The following ATP6V1H variants were observed in gnomAD, a reference collection of about 807,000 sequenced individuals.
ATP6V1H encodes the protein ATPase H+ transporting V1 subunit H.
A neutral mutation model predicts 71.7 loss-of-function variants in ATP6V1H; 39 were observed. That is an observed-to-expected ratio of 0.54 (90% CI 0.42 to 0.71). ATP6V1H has a LOEUF of 0.71. Ranked by LOEUF, ATP6V1H falls within the 30% of genes least tolerant of loss-of-function variation. ATP6V1H has a pLI of 0.00. For synonymous variants in ATP6V1H, 192 were observed against 199.3 expected, an observed-to-expected ratio of 0.96 and a Z score of 0.31; for missense variants, 509 against 594.9, an observed-to-expected ratio of 0.86 and a Z score of 1.50.
intron 4 of ATP6V1H, among the ~76,000 whole-genome samples, chr8:53,821,334 C>T (rs568685852): frequency 6.8e-6 from 1 of 147,362 alleles, no homozygotes; most frequent in Non-Finnish European, 1.5e-5. Flanking sequence ...GATCATGCCA[C>T]TACACTCCAG....
At chr8:53,750,005 C>T (rs766278767) in intron 12 of ATP6V1H, among the ~76,000 whole-genome samples, 9 of 152,130 alleles carry the variant, frequency 5.9e-5, no homozygotes, top group Non-Finnish European at 1.3e-4. Flanking sequence ...TATTCCTGAA[C>T]ATCATGTATT....
intron 5 of ATP6V1H, 30 bp from the exon 6 acceptor site, chr8:53,814,796 C>T: frequency 6.8e-7 from 1 of 1,464,622 alleles, no homozygotes; most frequent in Non-Finnish European, 9.5e-7. Flanking sequence ...ACATTTAACG[C>T]AACATTAATT....
intron 13 of ATP6V1H, among the ~76,000 whole-genome samples, chr8:53,736,659 A>T (rs750305794): frequency 2.0e-5 from 3 of 148,092 alleles, no homozygotes; most frequent in African/African-American, 5.2e-5. Flanking sequence ...TCATCAGAAA[A>T]CCTCGGCACA....
At chr8:53,808,660 C>T (rs1482249246) in intron 7 of ATP6V1H, among the ~76,000 whole-genome samples, 1 of 151,938 alleles carries the variant, frequency 6.6e-6, no homozygotes, top group Non-Finnish European at 1.5e-5. Flanking sequence ...GTCCCAGCTA[C>T]TGGTGGGATG....
At chr8:53,776,583 A>T (rs1808899974) in intron 9 of ATP6V1H, among the ~76,000 whole-genome samples, 1 of 152,234 alleles carries the variant, frequency 6.6e-6, no homozygotes, top group South Asian at 2.1e-4. Flanking sequence ...CTGCCTGCTA[A>T]ACAACCTCAA....
At chr8:53,721,047 C>T (rs1446899390) in intron 13 of ATP6V1H, among the ~76,000 whole-genome samples, 11 of 152,160 alleles carry the variant, frequency 7.2e-5, no homozygotes, top group Non-Finnish European at 4.4e-5. Context: ...CATTAACAAA[C>T]TATTCTTTTC....
chr8:53,763,429 GAAATT>G (rs1808345692), intron 11 of ATP6V1H, among the ~76,000 whole-genome samples: 1 of 152,166 alleles, frequency 6.6e-6, no homozygotes, highest in South Asian at 2.1e-4. Context: ...ACTGTTGAAA[GAAATT>G]AAATACGATG....
intron 2 of ATP6V1H, among the ~76,000 whole-genome samples, chr8:53,841,142 T>C (rs1340434809): frequency 6.6e-6 from 1 of 152,184 alleles, no homozygotes; most frequent in Non-Finnish European, 1.5e-5. Flanking sequence ...GAACCAAAAC[T>C]CAAATCCAAG....
At chr8:53,777,858 G>C (rs891020816) in intron 9 of ATP6V1H, among the ~76,000 whole-genome samples, 8 of 152,172 alleles carry the variant, frequency 5.3e-5, no homozygotes, top group Non-Finnish European at 8.8e-5. Flanking sequence ...AAAGGAAAGT[G>C]ATACCACAAG....
At chr8:53,816,257 T>C (rs1374472092) in intron 5 of ATP6V1H, among the ~76,000 whole-genome samples, 1 of 152,168 alleles carries the variant, frequency 6.6e-6, no homozygotes, top group Non-Finnish European at 1.5e-5. Context: ...CAAGATAACA[T>C]ACATGTTCAA....
intron 13 of ATP6V1H, among the ~76,000 whole-genome samples, chr8:53,741,027 A>AAATTTTAAACATTAAATTTT (rs1283549165): frequency 6.6e-6 from 1 of 152,214 alleles, no homozygotes; most frequent in East Asian, 1.9e-4. Flanking sequence ...AATCGTAGTT[A>AAATTTTAAACATTAAATTTT]AAACATTAAA....
intron 7 of ATP6V1H, among the ~76,000 whole-genome samples, chr8:53,806,026 C>T (rs1167856133): frequency 6.6e-6 from 1 of 151,940 alleles, no homozygotes. Context: ...ACATTTATCT[C>T]GCTGAACATT....
chr8:53,729,351 C>A (rs1008029819), intron 13 of ATP6V1H, among the ~76,000 whole-genome samples: 8 of 152,116 alleles, frequency 5.3e-5, no homozygotes, highest in African/African-American at 1.7e-4. Context: ...AACAGAACAC[C>A]CACACCCAAG....
chr8:53,803,940 A>C (rs938094740), intron 7 of ATP6V1H, among the ~76,000 whole-genome samples: 1 of 152,216 alleles, frequency 6.6e-6, no homozygotes, highest in Non-Finnish European at 1.5e-5. Flanking sequence ...GTTTCCTCTC[A>C]TCACAAAAAT....
intron 4 of ATP6V1H, among the ~76,000 whole-genome samples, chr8:53,825,586 A>C (rs1325866327): frequency 6.6e-6 from 1 of 152,202 alleles, no homozygotes. Context: ...AAAGTATAAA[A>C]GGTACAGAAA....
chr8:53,840,763 A>C lies in ATP6V1H; in HGVS notation c.113+815T>G, dbSNP rs1811319994. 2.6e-5 allele frequency among the ~76,000 whole-genome samples: 4 copies of C among 152,210 alleles called. No homozygotes were observed. The South Asian group carries it at 8.3e-4, about 31-fold the overall frequency. On this transcript the variant is annotated intron_variant, in intron 2 of 13. Coordinates refer to ENST00000359530, the MANE Select transcript of ATP6V1H (RefSeq NM_015941.4). ...CTAATATAAAATTAACACTAATATA[A>C]AACTAGATTCCTCAATTTGTTTTTC...
At chr8:53,838,882 C>A (rs1811257867) in intron 2 of ATP6V1H, among the ~76,000 whole-genome samples, 2 of 152,208 alleles carry the variant, frequency 1.3e-5, no homozygotes, top group South Asian at 4.1e-4. Context: ...AGAAGATTCA[C>A]TGATTCTTCA....
rs145442180 is a variant in ATP6V1H, at chr8:53,778,037, C to T, written c.871-5870G>A. Among the ~76,000 whole-genome samples, 339 of 152,154 alleles carry T rather than the reference C, an allele frequency of 2.2e-3. 2 individuals carry two copies. Among genetic ancestry groups the T allele is most frequent in the African/African-American group, 7.9e-3 (328 of 41,506 alleles). ...GGCTTATAACATGTAAATACAGTAACATGACAACTGTAGCATAAAAGACTA... is the reference window on the plus strand; with the variant it reads ...GGCTTATAACATGTAAATACAGTAATATGACAACTGTAGCATAAAAGACTA... On this transcript the variant is annotated intron_variant, in intron 9 of 13. Coordinates refer to ENST00000359530, the MANE Select transcript of ATP6V1H (RefSeq NM_015941.4).
In ATP6V1H at chr8:53,743,701, G is replaced by A. The variant is rs1377267378; in HGVS notation, c.1278-11C>T. 3.1e-6 allele frequency: 5 copies of A among 1,589,224 alleles called. No homozygotes were observed. In the African/African-American group the frequency reaches 4.0e-5, roughly 13 times the overall value. On this transcript the variant is annotated splice_polypyrimidine_tract_variant and intron_variant, in intron 12 of 13. Coordinates refer to ENST00000359530, the MANE Select transcript of ATP6V1H (RefSeq NM_015941.4). ...AGCTGCTCGATGACCCTGCAAACGG[G>A]AGAGACGTGGTGAGGAAGATGCAAT...
Sources: allele counts gnomAD v4.1 joint callset (sites outside exome capture counted in the v4.1 genomes callset), GRCh38; gene constraint gnomAD v4.1.1; transcripts MANE v1.5; gene names NCBI Gene and HGNC (gene_info 2026-07-23, HGNC 2026-07-21).